CLPTM1L: variants seen among roughly 807,000 people sequenced by gnomAD.
CLPTM1L encodes the protein CLPTM1 like, also known as lipid scramblase CLPTM1L.
In CLPTM1L, 38 loss-of-function variants were observed where a neutral mutation model predicts 70.9. The observed-to-expected ratio is 0.54, with a 90% CI of 0.41 to 0.70. CLPTM1L has a LOEUF of 0.70. CLPTM1L is among the 30% of genes least tolerant of loss of function. CLPTM1L has a pLI of 0.00. For synonymous variants in CLPTM1L, 339 were observed against 299.9 expected (o/e 1.13, Z -1.35); for missense variants, 652 against 705.9 (o/e 0.92, Z 0.87).
intron 6 of CLPTM1L, among the ~76,000 whole-genome samples, 184 bp downstream of exon 6, chr5:1,334,873 A>T (rs558771808): frequency 4.6e-5 from 7 of 152,248 alleles, no homozygotes; most frequent in Non-Finnish European, 1.0e-4. Flanking sequence ...CAATTTCCAG[A>T]CAATCAACCA....
intron 6 of CLPTM1L, 94 bp downstream of exon 6, chr5:1,334,963 C>T (rs569335875): frequency 2.6e-5 from 22 of 844,300 alleles, no homozygotes; most frequent in Non-Finnish European, 3.5e-5. Context: ...CAGCAGGAGG[C>T]GAGGAGGCCC....
In CLPTM1L at chr5:1,336,320, C is replaced by A. The variant is rs192581096; in HGVS notation, c.679-1146G>T. Among the ~76,000 whole-genome samples, 336 of 152,302 alleles carry A rather than the reference C, an allele frequency of 2.2e-3. 1 individual carries two copies. The highest frequency in any genetic ancestry group is 7.9e-3 in the African/African-American group (327 of 41,566). ...GGCCCCAAGTGAGACACAGCAACAGCGACACATGAGAGAGACTGTGATTTG... is the reference window on the plus strand; with the variant it reads ...GGCCCCAAGTGAGACACAGCAACAGAGACACATGAGAGAGACTGTGATTTG... On this transcript the variant is annotated intron_variant, in intron 5 of 16. Transcript: ENST00000320895.
intron 11 of CLPTM1L, 50 bp downstream of exon 11, chr5:1,324,713 G>A: frequency 1.3e-6 from 2 of 1,516,158 alleles, no homozygotes; most frequent in East Asian, 2.2e-5. Context: ...CGTCTTTGAG[G>A]GTGTTGGATT....
In CLPTM1L at chr5:1,338,987, T is replaced by G; in HGVS notation, c.472A>C (p.Lys158Gln). Residue 158 changes from lysine (K) to glutamine (Q), a missense_variant, in exon 4 of 17, where the codon AAG becomes CAG. Physicochemically the swap from Lys to Gln is moderately conservative, Grantham distance 53. Around this residue, in one of 3 missense-constraint regions of CLPTM1L, gnomAD observed 402 missense variants for 388.2 expected, o/e 1.04. Transcript: ENST00000320895. ...SDTQQIEAEK[K>Q]PTSALDEPVS... is the part of the protein sequence containing the mutation. ...GGCTCATCCAGGGCACTCGTCGGCT[T>G]CTTCTCCGCCTCGATCTGCTGTTAA... 1 of 1,613,164 alleles carries G rather than the reference T, an allele frequency of 6.2e-7. No individual in the cohort carries two copies. The highest frequency in any genetic ancestry group is 8.5e-7 in the Non-Finnish European group (1 of 1,179,900).
At position 1,341,663 on chromosome 5, in the gene CLPTM1L, A is replaced by G. The variant is rs1462466879; in HGVS notation, c.453+8T>C. 1.3e-6 allele frequency: 2 copies of G among 1,595,432 alleles called. No homozygotes were observed. Among genetic ancestry groups the G allele is most frequent in the African/African-American group, 2.7e-5 (2 of 74,450 alleles). On this transcript the variant is annotated splice_region_variant and intron_variant, in intron 3 of 16. Transcript: ENST00000320895. ...AGCCTGTTATCAGTAACCCATGAAG[A>G]CCCTCACCTGTGTATCAGACTCCCC...
In CLPTM1L at chr5:1,337,438, C is replaced by A. The variant is rs914749654; in HGVS notation, c.678+466G>T. The stretch of plus-strand genomic sequence containing the variant: ...AGGCCTTCCGCCTTGCCAGGGGCCA[C>A]CCCGGGGGCTCCAGCTCCGAGGAAG... On this transcript the variant is annotated intron_variant, in intron 5 of 16. Transcript: ENST00000320895. Among the ~76,000 whole-genome samples the A allele has an allele frequency of 2.6e-5, 4 of 152,374 alleles. 1 individual carries two copies. The highest frequency in any genetic ancestry group is 2.6e-4 in the Admixed American group (4 of 15,310).
intron 16 of CLPTM1L, among the ~76,000 whole-genome samples, chr5:1,319,592 G>A (rs1752035650): frequency 6.6e-6 from 1 of 152,218 alleles, no homozygotes; most frequent in African/African-American, 2.4e-5. Flanking sequence ...GGCAGGACCC[G>A]CCAGGACGGC....
intron 13 of CLPTM1L, among the ~76,000 whole-genome samples, chr5:1,322,031 G>A (rs1003890201): frequency 6.6e-6 from 1 of 152,220 alleles, no homozygotes; most frequent in Non-Finnish European, 1.5e-5. Flanking sequence ...CGACAACTTT[G>A]GAGAGCAAAG....
intron 12 of CLPTM1L, among the ~76,000 whole-genome samples, chr5:1,323,338 C>G (rs985921775): frequency 2.3e-5 from 3 of 129,506 alleles, no homozygotes; most frequent in Non-Finnish European, 3.7e-5. Context: ...ACCTGGGCAA[C>G]AGAGGCTGGG....
rs575152908 is a variant in CLPTM1L, at chr5:1,344,232, G to C, written c.263+119C>G. 256 of 736,624 alleles carry C rather than the reference G, an allele frequency of 3.5e-4. 2 individuals carry two copies. In the African/African-American group the frequency reaches 3.8e-3, roughly 11 times the overall value. The allele number at this position is 736,624 out of a possible 1,614,324, so 45.6% of individuals were successfully genotyped here. On this transcript the variant is annotated intron_variant, in intron 2 of 16. Coordinates refer to ENST00000320895, the MANE Select transcript of CLPTM1L (RefSeq NM_030782.5). Reference sequence around the variant, plus strand: ...CAGTTAGGATATTCTACCACTTCAAGACATTCGGTAAGACTAGTTCTCTAA... The same window carrying C: ...CAGTTAGGATATTCTACCACTTCAACACATTCGGTAAGACTAGTTCTCTAA...
intron 9 of CLPTM1L, among the ~76,000 whole-genome samples, chr5:1,326,655 C>T (rs1207597571): frequency 6.6e-6 from 1 of 152,082 alleles, no homozygotes; most frequent in African/African-American, 2.4e-5. Flanking sequence ...ACATTTCATC[C>T]AGCTCCTCCT....
chr5:1,333,628 G>C (rs960200489), intron 7 of CLPTM1L, among the ~76,000 whole-genome samples: 43 of 127,080 alleles, frequency 3.4e-4, no homozygotes, highest in African/African-American at 1.3e-3. Context: ...ATACACACCA[G>C]ATGAGGATAA....
chr5:1,344,922 C>T lies in CLPTM1L; in HGVS notation c.-81G>A. The T allele has an allele frequency of 1.2e-6, 1 of 821,940 alleles. No individual in the cohort carries two copies. Among genetic ancestry groups the T allele is most frequent in the Non-Finnish European group, 1.5e-6 (1 of 686,194 alleles). 50.9% of individuals were successfully genotyped at this position (821,940 alleles called of 1,614,324 possible). A position where few individuals can be genotyped will look rare whatever the true frequency, so the allele number is the denominator to read the frequency against. ...CCGCCCGGCGCCCAGCCCGCCGCTC[C>T]GGGCTCCGCCGCTCACTGGAGAGCC... On this transcript the variant is annotated 5_prime_UTR_variant, in exon 1 of 17. Coordinates refer to ENST00000320895, the MANE Select transcript of CLPTM1L (RefSeq NM_030782.5).
In CLPTM1L at chr5:1,318,582, A is replaced by C; in HGVS notation, c.1533-129T>G. The stretch of plus-strand genomic sequence containing the variant: ...GTGAGCAAATTAACTAAAAAGTCGA[A>C]TCCTCAGAAGTTTTACTGCCGAGGG... On this transcript the variant is annotated intron_variant, in intron 16 of 16. Coordinates refer to ENST00000320895, the MANE Select transcript of CLPTM1L (RefSeq NM_030782.5). This position sits in a 1 kb window ranked among gnomAD's most constrained non-coding sequence, Gnocchi z 8.9. The C allele has an allele frequency of 1.4e-6, 1 of 739,990 alleles. No homozygotes were observed. Among genetic ancestry groups the C allele is most frequent in the South Asian group, 1.8e-5 (1 of 56,342 alleles). The allele number at this position is 739,990 out of a possible 1,614,324, so 45.8% of individuals were successfully genotyped here.
chr5:1,342,477 C>T lies in CLPTM1L; in HGVS notation c.264-617G>A, dbSNP rs1242388403. Among the ~76,000 whole-genome samples the T allele has an allele frequency of 1.3e-5, 2 of 152,198 alleles. No homozygotes were observed. Among genetic ancestry groups the T allele is most frequent in the Non-Finnish European group, 2.9e-5 (2 of 68,042 alleles). The stretch of plus-strand genomic sequence containing the variant: ...GGCGAGCTGCTACAACTGTAGGCCT[C>T]GGACCAGGTGCCTGGCTCTTCACCC... On this transcript the variant is annotated intron_variant, in intron 2 of 16. Transcript: ENST00000320895. This position sits in a 1 kb window ranked among gnomAD's most constrained non-coding sequence, Gnocchi z 4.3.
At chr5:1,321,714 G>A (rs1307433516) in intron 14 of CLPTM1L, 35 bp from the exon 15 acceptor site, 6 of 1,613,918 alleles carry the variant, frequency 3.7e-6, no homozygotes, top group Non-Finnish European at 4.2e-6. Context: ...GTCAGCTGTG[G>A]GCAGCACAGG....
At chr5:1,320,892 T>C (rs950496197) in intron 15 of CLPTM1L, among the ~76,000 whole-genome samples, 161 bp from the exon 16 acceptor site, 2 of 152,158 alleles carry the variant, frequency 1.3e-5, no homozygotes, top group African/African-American at 2.4e-5. Flanking sequence ...CAAGTGGAGA[T>C]ACGGAGCTCT....
chr5:1,338,180 C>T (rs796874580), intron 4 of CLPTM1L, 198 bp from the exon 5 acceptor site: 7 of 603,008 alleles, frequency 1.2e-5, no homozygotes, highest in African/African-American at 1.1e-4. Context: ...GCTTGTGAGA[C>T]CCGCTCCCCA....
At position 1,338,943 on chromosome 5, in the gene CLPTM1L, C is replaced by T. The variant is rs746053600; in HGVS notation, c.516G>A (p.Pro172=). The change falls in exon 4 of 17, where the codon CCG becomes CCA. Residue 172 remains proline (P), a synonymous_variant. Coordinates refer to ENST00000320895, the MANE Select transcript of CLPTM1L (RefSeq NM_030782.5). ...ALDEPVSHWR[P]RLALNVMADN... ...CCGCCATCACGTTCAGCGCCAGCCG[C>T]GGTCGCCAGTGGGACACTGGCTCAT... 2.7e-5 allele frequency: 44 copies of T among 1,613,392 alleles called. 1 individual carries two copies. The highest frequency in any genetic ancestry group is 1.6e-4 in the Middle Eastern group (1 of 6,062).
Sources: allele counts gnomAD v4.1 joint callset (sites outside exome capture counted in the v4.1 genomes callset), GRCh38; gene constraint gnomAD v4.1.1; regional missense constraint gnomAD v4.1.1; non-coding constraint Gnocchi (gnomAD v3.1); transcripts MANE v1.5; gene names NCBI Gene and HGNC (gene_info 2026-07-23, HGNC 2026-07-21).